NFIA: variants seen among roughly 807,000 people sequenced by gnomAD.
The protein encoded by NFIA is nuclear factor 1 A-type.
In NFIA, 8 loss-of-function variants were observed where a neutral mutation model predicts 62.8. The observed-to-expected ratio is 0.13, with a 90% confidence interval of 0.07 to 0.23. The LOEUF (loss-of-function observed/expected upper bound fraction) is 0.23. Among genes scored for constraint, NFIA ranks in the 10% least tolerant of loss-of-function variants. The pLI is 1.00. For synonymous variants in NFIA, 235 were observed against 238.1 expected (o/e 0.99, Z 0.12); for missense variants, 410 against 642.1 (o/e 0.64, Z 3.91).
intron 2 of NFIA, among the ~76,000 whole-genome samples, chr1:61,137,791 A>G (rs1268454427): frequency 3.3e-5 from 5 of 152,208 alleles, no homozygotes; most frequent in Non-Finnish European, 4.4e-5. Context: ...GCCAAGGTTG[A>G]TTATGATCCT....
rs56255004 is a variant in NFIA, at chr1:61,126,777, CTTTTTTTTTTTTTTT to C, written c.559+38107_559+38121del. On this transcript the variant is annotated intron_variant, in intron 2 of 10. Transcript: ENST00000403491. ...ATGGTCAGTAACTATTGTCAGATTCCTTTTTTTTTTTTTTTTTTTTTTTTGAAGACAAAGTCTTGC... is the reference window on the plus strand; with the variant it reads ...ATGGTCAGTAACTATTGTCAGATTCCTTTTTTTTTGAAGACAAAGTCTTGC... 3.2e-4 allele frequency among the ~76,000 whole-genome samples: 28 copies of C among 87,326 alleles called. 1 individual carries two copies. Among genetic ancestry groups the C allele is most frequent in the East Asian group, 1.7e-3 (6 of 3,468 alleles). The allele number at this position is 87,326 out of a possible 152,430, so 57.3% of individuals were successfully genotyped here.
At chr1:61,422,983 T>G (rs1479211332) in intron 9 of NFIA, among the ~76,000 whole-genome samples, 1 of 152,186 alleles carries the variant, frequency 6.6e-6, no homozygotes, top group Non-Finnish European at 1.5e-5. Context: ...TAGCAATGCC[T>G]ACCATAAGGG....
At chr1:61,300,091 T>TA (rs1659414476) in intron 3 of NFIA, among the ~76,000 whole-genome samples, 1 of 152,026 alleles carries the variant, frequency 6.6e-6, no homozygotes, top group African/African-American at 2.4e-5. Flanking sequence ...AGGATGACAT[T>TA]AAAAAAAATT....
intron 6 of NFIA, among the ~76,000 whole-genome samples, chr1:61,371,179 T>C (rs1234922230): frequency 6.6e-6 from 1 of 152,188 alleles, no homozygotes; most frequent in Non-Finnish European, 1.5e-5. Context: ...TAGGGACTTA[T>C]ATAAGCAACA....
intron 2 of NFIA, among the ~76,000 whole-genome samples, chr1:61,217,232 T>G (rs142089896): frequency 0.047 from 7,005 of 150,628 alleles, 220 homozygotes; most frequent in Non-Finnish European, 0.07. Flanking sequence ...AATTTTTTTT[T>G]TTTTGTTTTG....
chr1:61,195,091 T>G (rs1651901380), intron 2 of NFIA, among the ~76,000 whole-genome samples: 1 of 152,208 alleles, frequency 6.6e-6, no homozygotes. Flanking sequence ...AACTGCCACA[T>G]TTTAAGTCAT....
At chr1:61,298,110 C>T (rs1659288342) in intron 3 of NFIA, among the ~76,000 whole-genome samples, 1 of 152,114 alleles carries the variant, frequency 6.6e-6, no homozygotes, top group Admixed American at 6.6e-5. Flanking sequence ...AGCTGTAATT[C>T]CCATGTGTCA....
intron 2 of NFIA, among the ~76,000 whole-genome samples, chr1:61,141,022 G>A (rs1272295580): frequency 7.8e-6 from 1 of 128,968 alleles, no homozygotes; most frequent in Non-Finnish European, 1.6e-5. Context: ...TAAGAGGAAC[G>A]CCAACAGAAT....
At position 61,170,665 on chromosome 1, in the gene NFIA, T is replaced by C. The variant is rs78164067; in HGVS notation, c.559+81985T>C. Among the ~76,000 whole-genome samples the C allele has an allele frequency of 9.8e-5, 15 of 152,338 alleles. No individual in the cohort carries two copies. In the East Asian group the frequency reaches 2.9e-3, roughly 29 times the overall value. ...ACAAAGATAACTATCAGTAACATTT[T>C]GAACTTTCCTACAAAATTGCATTCT... is the stretch of plus-strand genomic sequence containing the variant. On this transcript the variant is annotated intron_variant, in intron 2 of 10. Coordinates refer to ENST00000403491, the MANE Select transcript of NFIA (RefSeq NM_001134673.4).
chr1:61,233,212 A>T (rs1039792795), intron 2 of NFIA, among the ~76,000 whole-genome samples: 7 of 152,356 alleles, frequency 4.6e-5, no homozygotes, highest in Admixed American at 3.3e-4. Context: ...AAAAAATCTT[A>T]TACAGAAATT....
At chr1:61,281,069 G>A (rs902329966) in intron 3 of NFIA, among the ~76,000 whole-genome samples, 14 of 151,808 alleles carry the variant, frequency 9.2e-5, no homozygotes, top group Non-Finnish European at 1.3e-4. Context: ...CATGGTGCCC[G>A]TCTCTACTAA....
chr1:61,438,530 T>G (rs1227003625), intron 10 of NFIA, among the ~76,000 whole-genome samples: 3 of 152,186 alleles, frequency 2.0e-5, no homozygotes, highest in Non-Finnish European at 4.4e-5. Flanking sequence ...CCATTTTCCT[T>G]AAGTTGTGCC....
upstream of NFIA, among the ~76,000 whole-genome samples, chr1:61,080,753 C>T (rs1646085649): frequency 6.6e-6 from 1 of 152,056 alleles, no homozygotes; most frequent in Admixed American, 6.6e-5. Flanking sequence ...GAGAGATTTC[C>T]AAGGATGTTC....
At chr1:61,294,479 T>C (rs562824920) in intron 3 of NFIA, among the ~76,000 whole-genome samples, 1 of 152,372 alleles carries the variant, frequency 6.6e-6, no homozygotes, top group African/African-American at 2.4e-5. Context: ...TGAAAGGCGA[T>C]TGAAATCATT....
chr1:61,428,779 C>G (rs1293141161), intron 10 of NFIA, among the ~76,000 whole-genome samples: 1 of 152,072 alleles, frequency 6.6e-6, no homozygotes, highest in African/African-American at 2.4e-5. Flanking sequence ...ATAATTAGAA[C>G]ATGGTCGGCA....
chr1:61,311,535 C>T (rs1369251127), intron 3 of NFIA, among the ~76,000 whole-genome samples: 1 of 152,182 alleles, frequency 6.6e-6, no homozygotes, highest in African/African-American at 2.4e-5. Flanking sequence ...GTGTGGGTCA[C>T]TGTCCTGTGC....
chr1:61,150,249 G>T (rs116099307), intron 2 of NFIA, among the ~76,000 whole-genome samples: 1 of 152,152 alleles, frequency 6.6e-6, no homozygotes, highest in Non-Finnish European at 1.5e-5. Flanking sequence ...TCAATGTGTC[G>T]CATGTCCCCC....
At chr1:61,145,709 C>T (rs1369293775) in intron 2 of NFIA, among the ~76,000 whole-genome samples, 1 of 152,156 alleles carries the variant, frequency 6.6e-6, no homozygotes, top group Non-Finnish European at 1.5e-5. Flanking sequence ...TAATTTCCTG[C>T]ACTGTAGATG....
intron 10 of NFIA, among the ~76,000 whole-genome samples, chr1:61,445,270 C>G (rs1216335654): frequency 1.3e-5 from 2 of 152,148 alleles, no homozygotes; most frequent in African/African-American, 4.8e-5. Flanking sequence ...AGGCCCTTCA[C>G]GGAGACTGTC....
Sources: gnomAD v4.1 joint callset for allele counts (sites outside exome capture counted in the v4.1 genomes callset) on GRCh38, gnomAD v4.1.1 for gene constraint, MANE v1.5 for transcripts, NCBI Gene and HGNC (gene_info 2026-07-23, HGNC 2026-07-21) for gene names.